CSMD1: variants seen among roughly 807,000 people sequenced by gnomAD.
CSMD1 encodes the protein CUB and Sushi multiple domains 1.
CSMD1 carries 213 observed loss-of-function variants against 417.5 expected under a neutral mutation model. The observed-to-expected ratio is 0.51, with a 90% CI of 0.46 to 0.57. The LOEUF (loss-of-function observed/expected upper bound fraction) is 0.57, where lower values mean the gene tolerates loss of function less well. Among genes scored for constraint, CSMD1 ranks in the 20% least tolerant of loss-of-function variants. CSMD1 has a pLI of 0.00. For synonymous variants in CSMD1, 2,862 were observed against 1,736.8 expected, an observed-to-expected ratio of 1.65 and a Z score of -16.11; for missense variants, 6,923 against 4,529.7, an observed-to-expected ratio of 1.53 and a Z score of -15.17.
intron 3 of CSMD1, among the ~76,000 whole-genome samples, chr8:4,357,023 A>T (rs1008813805): frequency 6.6e-6 from 1 of 152,250 alleles, no homozygotes; most frequent in African/African-American, 2.4e-5. Context: ...ATTGCTATAA[A>T]ATTCTTACAT....
intron 3 of CSMD1, among the ~76,000 whole-genome samples, chr8:4,094,714 G>T (rs143337965): frequency 5.9e-4 from 90 of 152,224 alleles, no homozygotes; most frequent in Middle Eastern, 3.4e-3. Flanking sequence ...AGAGAGACAG[G>T]GCAGTGGGGA....
chr8:3,532,153 G>A (rs985103896), intron 10 of CSMD1, among the ~76,000 whole-genome samples: 9 of 152,070 alleles, frequency 5.9e-5, no homozygotes, highest in East Asian at 3.9e-4. Flanking sequence ...AAAGGTGTTC[G>A]CTTTGTTTCT....
chr8:4,848,110 G>C (rs1294373254), intron 1 of CSMD1, among the ~76,000 whole-genome samples: 2 of 151,972 alleles, frequency 1.3e-5, no homozygotes, highest in African/African-American at 4.8e-5. Context: ...ATTTTTTTTG[G>C]ATATTGTCAA....
intron 5 of CSMD1, among the ~76,000 whole-genome samples, chr8:3,785,076 G>A (rs938189706): frequency 1.3e-5 from 2 of 152,152 alleles, no homozygotes; most frequent in African/African-American, 4.8e-5. Context: ...ATAGCATAGT[G>A]GACTTTGGGT....
chr8:4,142,439 T>G (rs1803847083), intron 3 of CSMD1, among the ~76,000 whole-genome samples: 1 of 151,138 alleles, frequency 6.6e-6, no homozygotes, highest in South Asian at 2.1e-4. Context: ...ACAGAACTAG[T>G]TTCCCTCTAC....
At chr8:3,340,149 T>C (rs191723151) in intron 23 of CSMD1, among the ~76,000 whole-genome samples, 29 of 152,284 alleles carry the variant, frequency 1.9e-4, no homozygotes, top group Admixed American at 1.6e-3. Flanking sequence ...TCATCAGCAA[T>C]TCTGGTATTC....
rs903861804 is a variant in CSMD1 at position 4,708,282 on chromosome 8, A to G, written c.86-70724T>C. Among the ~76,000 whole-genome samples the G allele has an allele frequency of 8.5e-5, 13 of 152,282 alleles. No individual in the cohort carries two copies. The South Asian group carries it at 2.5e-3, about 29-fold the overall frequency. Reference sequence around the variant, plus strand: ...TGACTCTTGATTCCCTTCAGAATATAAATCATTGTCATTTACATAGACATG... The same window carrying G: ...TGACTCTTGATTCCCTTCAGAATATGAATCATTGTCATTTACATAGACATG... On this transcript the variant is annotated intron_variant, in intron 1 of 69. Coordinates refer to ENST00000635120, the MANE Select transcript of CSMD1 (RefSeq NM_033225.6).
intron 36 of CSMD1, among the ~76,000 whole-genome samples, chr8:3,184,369 C>A (rs1370059230): frequency 6.6e-6 from 1 of 152,184 alleles, no homozygotes; most frequent in African/African-American, 2.4e-5. Flanking sequence ...GCAGAACCTT[C>A]CCTGATTAGG....
intron 8 of CSMD1, among the ~76,000 whole-genome samples, chr8:3,592,180 A>G (rs1313080366): frequency 6.6e-6 from 1 of 152,140 alleles, no homozygotes; most frequent in Non-Finnish European, 1.5e-5. Context: ...AGATAGATTG[A>G]CAGATGACAG....
At chr8:4,699,765 AGTTT>A (rs1208825378) in intron 1 of CSMD1, among the ~76,000 whole-genome samples, 1 of 152,204 alleles carries the variant, frequency 6.6e-6, no homozygotes, top group Non-Finnish European at 1.5e-5. Flanking sequence ...TTTCATGGTT[AGTTT>A]GTCAGGAAAG....
At chr8:4,040,641 G>C (rs548341868) in intron 3 of CSMD1, among the ~76,000 whole-genome samples, 1 of 152,120 alleles carries the variant, frequency 6.6e-6, no homozygotes, top group African/African-American at 2.4e-5. Context: ...GTAGAATGGA[G>C]GGCACAACCA....
intron 3 of CSMD1, among the ~76,000 whole-genome samples, chr8:4,128,171 G>A (rs547430126): frequency 3.3e-5 from 5 of 151,878 alleles, no homozygotes; most frequent in Admixed American, 6.6e-5. Flanking sequence ...ACTCTTGGTC[G>A]GGGACCCCTG....
At chr8:3,386,685 T>C (rs1160436172) in intron 18 of CSMD1, among the ~76,000 whole-genome samples, 2 of 152,216 alleles carry the variant, frequency 1.3e-5, no homozygotes, top group African/African-American at 2.4e-5. Flanking sequence ...GCTTTTTCCA[T>C]AGAAACAATG....
intron 5 of CSMD1, among the ~76,000 whole-genome samples, chr8:3,838,632 T>G (rs530093029): frequency 7.6e-6 from 1 of 131,012 alleles, no homozygotes; most frequent in African/African-American, 2.9e-5. Context: ...AATTAATATA[T>G]AATAAATTAA....
intron 1 of CSMD1, among the ~76,000 whole-genome samples, chr8:4,786,007 G>T (rs1374490326): frequency 6.6e-6 from 1 of 152,162 alleles, no homozygotes; most frequent in South Asian, 2.1e-4. Context: ...AGCTTACCCA[G>T]CAGTGGCTGG....
intron 5 of CSMD1, among the ~76,000 whole-genome samples, chr8:3,776,787 A>G (rs1215391140): frequency 8.5e-6 from 1 of 117,738 alleles, no homozygotes; most frequent in African/African-American, 4.2e-5. Context: ...GAGCAGTGAT[A>G]GATAGTGACA....
intron 5 of CSMD1, among the ~76,000 whole-genome samples, chr8:3,773,850 A>G (rs1234349785): frequency 6.6e-6 from 1 of 152,128 alleles, no homozygotes; most frequent in East Asian, 1.9e-4. Context: ...CCCACATTGT[A>G]TTTATTTTGA....
At chr8:4,304,401 C>G (rs574404494) in intron 3 of CSMD1, among the ~76,000 whole-genome samples, 3 of 152,170 alleles carry the variant, frequency 2.0e-5, no homozygotes, top group Middle Eastern at 6.8e-3. Flanking sequence ...GAAATTATTA[C>G]CATCTAAGAG....
intron 5 of CSMD1, among the ~76,000 whole-genome samples, chr8:3,946,570 C>G (rs530372922): frequency 6.6e-6 from 1 of 152,074 alleles, no homozygotes; most frequent in Non-Finnish European, 1.5e-5. Flanking sequence ...AACAAACAAA[C>G]AAACAAATAA....
Sources: gnomAD v4.1 joint callset for allele counts (sites outside exome capture counted in the v4.1 genomes callset) on GRCh38, gnomAD v4.1.1 for gene constraint, MANE v1.5 for transcripts, NCBI Gene and HGNC (gene_info 2026-07-23, HGNC 2026-07-21) for gene names.